GASK1B: variants seen among roughly 807,000 people sequenced by gnomAD.
GASK1B encodes Golgi-associated kinase 1B.
In GASK1B, 34 loss-of-function variants were observed where a neutral mutation model predicts 42.8. The ratio of observed to expected loss-of-function variants is 0.79; its 90% confidence interval spans 0.60 to 1.06. The LOEUF is 1.06. GASK1B is among the 50% of genes least tolerant of loss of function. GASK1B has a pLI of 0.00. For synonymous variants in GASK1B, 262 were observed against 259.1 expected (o/e 1.01, Z -0.11); for missense variants, 686 against 661.0 (o/e 1.04, Z -0.42).
Position 158,170,484 on chromosome 4 carries a change from T to C in GASK1B, c.892A>G (p.Lys298Glu), listed in dbSNP as rs1412994049. Residue 298 changes from lysine to glutamate, a missense_variant, in exon 2 of 5, where the codon AAA becomes GAA. By Grantham distance (56) the Lys-to-Glu change is moderately conservative (BLOSUM62 1). Transcript: ENST00000585682. ...LNRTLPSVSR[K>E]AEFIQDGRPC... ...CTGTTACCTTGGATGAACTCTGCTT[T>C]CCTGCTCACAGACGGCAGGGTCCTG... is the stretch of plus-strand genomic sequence containing the variant. The C allele has an allele frequency of 6.2e-7, 1 of 1,614,118 alleles. No individual in the cohort carries two copies. The highest frequency in any genetic ancestry group is 8.5e-7 in the Non-Finnish European group (1 of 1,180,056).
At chr4:158,162,779 G>T (rs932511948) in intron 2 of GASK1B, among the ~76,000 whole-genome samples, 2 of 152,198 alleles carry the variant, frequency 1.3e-5, no homozygotes, top group African/African-American at 2.4e-5. Context: ...GGGATCAGGC[G>T]ACAAGGCAAT....
chr4:158,158,270 A>T (rs1560789538), intron 2 of GASK1B, among the ~76,000 whole-genome samples: 1 of 152,162 alleles, frequency 6.6e-6, no homozygotes, highest in Non-Finnish European at 1.5e-5. Context: ...TGCCCCAGAA[A>T]GGTTTTGCTC....
chr4:158,170,421 A>G, intron 2 of GASK1B, 45 bp downstream of exon 2: 1 of 1,614,228 alleles, frequency 6.2e-7, no homozygotes, highest in African/African-American at 1.3e-5. Context: ...AAAATGAACC[A>G]GAATCCCCAA....
intron 3 of GASK1B, among the ~76,000 whole-genome samples, chr4:158,142,068 C>G (rs1393243758): frequency 2.0e-5 from 3 of 149,246 alleles, no homozygotes; most frequent in Non-Finnish European, 3.0e-5. Context: ...CCTCAGCCTC[C>G]CGAGTAGCTG....
rs116808544 is a variant in GASK1B, at chr4:158,132,148, C to T, written c.1126-1136G>A. Among the ~76,000 whole-genome samples, 514 of 151,866 alleles carry T rather than the reference C, an allele frequency of 3.4e-3. 3 individuals are homozygous for T. Among genetic ancestry groups the T allele is most frequent in the African/African-American group, 0.012 (496 of 41,494 alleles). ...GTAAGTAGCAAAGTGAGGATTTAGA[C>T]GTGGATTTGTTTGTCTCCAAAATTC... On this transcript the variant is annotated intron_variant, in intron 3 of 4. Transcript: ENST00000585682.
chr4:158,160,426 C>A (rs1315631822), intron 2 of GASK1B, among the ~76,000 whole-genome samples: 1 of 152,014 alleles, frequency 6.6e-6, no homozygotes, highest in Admixed American at 6.6e-5. Flanking sequence ...GTTAGAAGGG[C>A]TATGATCAAA....
chr4:158,155,894 G>A (rs1006737785), intron 2 of GASK1B, 69 bp from the exon 3 acceptor site: 31 of 1,341,530 alleles, frequency 2.3e-5, no homozygotes, highest in Admixed American at 7.2e-5. Flanking sequence ...TGAGCAGGTC[G>A]TTCACTCTTT....
chr4:158,127,966 C>A (rs1730526542), intron 4 of GASK1B, among the ~76,000 whole-genome samples: 1 of 152,120 alleles, frequency 6.6e-6, no homozygotes, highest in African/African-American at 2.4e-5. Context: ...CCCCTTTAAT[C>A]TGTCAAGTAG....
chr4:158,172,366 A>G (rs1053707219), intron 1 of GASK1B: 1 of 152,240 alleles, frequency 6.6e-6, no homozygotes, highest in Non-Finnish European at 1.5e-5. Context: ...TGGCTCCAGG[A>G]AGAATGTAAT....
At chr4:158,158,265 C>A (rs1731832391) in intron 2 of GASK1B, among the ~76,000 whole-genome samples, 1 of 152,106 alleles carries the variant, frequency 6.6e-6, no homozygotes, top group Non-Finnish European at 1.5e-5. Flanking sequence ...ACACATGCCC[C>A]AGAAAGGTTT....
At chr4:158,144,651 G>A (rs1454955250) in intron 3 of GASK1B, among the ~76,000 whole-genome samples, 2 of 152,000 alleles carry the variant, frequency 1.3e-5, no homozygotes, top group Non-Finnish European at 2.9e-5. Flanking sequence ...GAAATACATT[G>A]TTCTCAAAAC....
chr4:158,130,919 G>T lies in GASK1B; in HGVS notation c.1219C>A (p.Gln407Lys), dbSNP rs1306865836. The T allele has an allele frequency of 6.2e-7, 1 of 1,613,936 alleles. No individual in the cohort carries two copies. The highest frequency in any genetic ancestry group is 8.5e-7 in the Non-Finnish European group (1 of 1,179,980). ...QNGLRPKCDD[Q>K]GSAALAHIIQ... ...ATGTGTGCTAGAGCCGCAGAACCTT[G>T]GTCATCACATTTTGGCCTCAATCCA... Residue 407 changes from glutamine (Q) to lysine (K), a missense_variant, in exon 4 of 5, where the codon CAA becomes AAA. Physicochemically the swap from Gln to Lys is moderately conservative, Grantham distance 53. Coordinates refer to ENST00000585682, the MANE Select transcript of GASK1B (RefSeq NM_001128424.2).
At position 158,172,882 on chromosome 4, in the gene GASK1B, C is replaced by T. The variant is rs1024643918; in HGVS notation, c.-239G>A. On this transcript the variant is annotated 5_prime_UTR_variant, in exon 1 of 5. Transcript: ENST00000585682. The stretch of plus-strand genomic sequence containing the variant: ...GAACTACTCACCTTACCATCTTGGC[C>T]GTTTCATTTGTCTTCCACCAGTTCT... The T allele has an allele frequency of 2.4e-4, 37 of 151,670 alleles. No homozygotes were observed. The highest frequency in any genetic ancestry group is 8.5e-4 in the African/African-American group (35 of 41,244). The allele number at this position is 151,670 out of a possible 1,614,324, so 9.4% of individuals were successfully genotyped here. A position where few individuals can be genotyped will look rare whatever the true frequency, so the allele number is the denominator to read the frequency against.
chr4:158,165,767 G>A (rs1732206878), intron 2 of GASK1B, among the ~76,000 whole-genome samples: 1 of 152,078 alleles, frequency 6.6e-6, no homozygotes, highest in Non-Finnish European at 1.5e-5. Flanking sequence ...GACAGAATTG[G>A]GCACAAATTC....
intron 3 of GASK1B, among the ~76,000 whole-genome samples, chr4:158,149,039 A>G (rs1731439909): frequency 6.6e-6 from 1 of 152,196 alleles, no homozygotes; most frequent in African/African-American, 2.4e-5. Flanking sequence ...TTCAAATGGT[A>G]TATTTAGAAT....
intron 2 of GASK1B, among the ~76,000 whole-genome samples, chr4:158,162,774 C>G (rs150361820): frequency 5.3e-5 from 8 of 152,300 alleles, no homozygotes; most frequent in Non-Finnish European, 1.0e-4. Flanking sequence ...ATTCAGGGAT[C>G]AGGCGACAAG....
intron 2 of GASK1B, chr4:158,170,091 T>C (rs1335632087): frequency 2.7e-6 from 2 of 734,504 alleles, no homozygotes; most frequent in East Asian, 2.7e-5. Flanking sequence ...TAGTAACCTA[T>C]TTAATAGTAT....
chr4:158,158,481 G>GA (rs1731842001), intron 2 of GASK1B, among the ~76,000 whole-genome samples: 2 of 151,788 alleles, frequency 1.3e-5, no homozygotes, highest in East Asian at 3.9e-4. Context: ...ATTATGCAAA[G>GA]AAAAAAAGCT....
At chr4:158,169,839 G>A (rs950758915) in intron 2 of GASK1B, 1 of 175,870 alleles carries the variant, frequency 5.7e-6, no homozygotes, top group Admixed American at 5.5e-5. Context: ...TTGAAAGACA[G>A]ACTCAATAGA....
Sources: gnomAD v4.1 joint callset for allele counts (sites outside exome capture counted in the v4.1 genomes callset) on GRCh38, gnomAD v4.1.1 for gene constraint, MANE v1.5 for transcripts, NCBI Gene and HGNC (gene_info 2026-07-23, HGNC 2026-07-21) for gene names.